ZCCHC24: variants seen among roughly 807,000 people sequenced by gnomAD.
The protein encoded by ZCCHC24 is zinc finger CCHC domain-containing protein 24.
A neutral mutation model predicts 26.2 loss-of-function variants in ZCCHC24; 10 were observed. That is an observed-to-expected ratio of 0.38 (90% CI 0.24 to 0.65). The LOEUF (loss-of-function observed/expected upper bound fraction) is 0.65. Among genes scored for constraint, ZCCHC24 ranks in the 30% least tolerant of loss-of-function variants. The pLI is 0.54. For missense variants in ZCCHC24, 243 were observed against 329.1 expected (o/e 0.74, Z 2.03); for synonymous variants, 144 against 147.1 (o/e 0.98, Z 0.15).
chr10:79,397,345 T>A (rs556660715), intron 2 of ZCCHC24, among the ~76,000 whole-genome samples: 1 of 152,264 alleles, frequency 6.6e-6, no homozygotes, highest in Non-Finnish European at 1.5e-5. Flanking sequence ...GAGTGCTCAG[T>A]GGGCAGCTAG....
At chr10:79,440,705 G>C (rs1300098583) in intron 1 of ZCCHC24, among the ~76,000 whole-genome samples, 4 of 152,184 alleles carry the variant, frequency 2.6e-5, no homozygotes, top group Non-Finnish European at 5.9e-5. Context: ...GCCATGAATA[G>C]AGCACCACCC....
intron 2 of ZCCHC24, among the ~76,000 whole-genome samples, chr10:79,403,113 C>T (rs1250942004): frequency 6.6e-6 from 1 of 152,230 alleles, no homozygotes; most frequent in Non-Finnish European, 1.5e-5. Flanking sequence ...ACTCCCCTAG[C>T]CACATACTCC....
intron 1 of ZCCHC24, among the ~76,000 whole-genome samples, chr10:79,432,990 G>A (rs1857156847): frequency 6.6e-6 from 1 of 152,102 alleles, no homozygotes; most frequent in African/African-American, 2.4e-5. Context: ...GCTCCTCCTA[G>A]GGTTTCTATG....
At chr10:79,406,873 G>C (rs536555845) in intron 2 of ZCCHC24, among the ~76,000 whole-genome samples, 1 of 152,312 alleles carries the variant, frequency 6.6e-6, no homozygotes, top group South Asian at 2.1e-4. Flanking sequence ...TAATCCCGCT[G>C]GTGCCCTGAA....
intron 2 of ZCCHC24, among the ~76,000 whole-genome samples, chr10:79,421,776 G>A (rs1161314958): frequency 6.6e-6 from 1 of 151,988 alleles, no homozygotes; most frequent in Non-Finnish European, 1.5e-5. Context: ...ATAGGTGTGC[G>A]CCACCACACC....
At chr10:79,417,533 C>T (rs7086131) in intron 2 of ZCCHC24, among the ~76,000 whole-genome samples, 5,552 of 152,306 alleles carry the variant, frequency 0.036, 137 homozygotes, top group South Asian at 0.045. Flanking sequence ...GGGAAAGGCA[C>T]GGCCTAAGGT....
At chr10:79,403,619 C>T in intron 2 of ZCCHC24, 1 of 984,658 alleles carries the variant, frequency 1.0e-6, no homozygotes, top group Non-Finnish European at 1.2e-6. Context: ...TCTGGAGCCT[C>T]AAGGGCCTCC....
At chr10:79,436,086 G>T (rs1247261506) in intron 1 of ZCCHC24, among the ~76,000 whole-genome samples, 1 of 152,182 alleles carries the variant, frequency 6.6e-6, no homozygotes, top group Admixed American at 6.5e-5. Context: ...AGCCTGGCAT[G>T]CAGAGGCCGA....
chr10:79,400,552 C>T (rs1856615473), intron 2 of ZCCHC24, among the ~76,000 whole-genome samples: 1 of 152,260 alleles, frequency 6.6e-6, no homozygotes, highest in Admixed American at 6.5e-5. Context: ...ACTTCTGCAG[C>T]TTATGCTCTG....
At chr10:79,442,601 T>C (rs1402230525) in intron 1 of ZCCHC24, among the ~76,000 whole-genome samples, 3 of 152,142 alleles carry the variant, frequency 2.0e-5, no homozygotes, top group African/African-American at 7.2e-5. Context: ...GCAAGTCACA[T>C]CCGCAGGCAC....
At chr10:79,420,017 T>C (rs1465211629) in intron 2 of ZCCHC24, among the ~76,000 whole-genome samples, 1 of 151,932 alleles carries the variant, frequency 6.6e-6, no homozygotes, top group Non-Finnish European at 1.5e-5. Flanking sequence ...AGGAAGGATA[T>C]AAAAGTGGCT....
At chr10:79,401,482 C>T (rs12218003) in intron 2 of ZCCHC24, among the ~76,000 whole-genome samples, 79,474 of 152,134 alleles carry the variant, frequency 0.52, 22,215 homozygotes, top group East Asian at 0.85. Flanking sequence ...AGTCCAGATC[C>T]GAGCCCAAGC....
chr10:79,412,340 C>T (rs1856804150), intron 2 of ZCCHC24, among the ~76,000 whole-genome samples: 1 of 152,226 alleles, frequency 6.6e-6, no homozygotes, highest in South Asian at 2.1e-4. Context: ...CAGCCTGCAG[C>T]GGCATGAGCC....
chr10:79,430,525 T>C (rs989842742), intron 2 of ZCCHC24, among the ~76,000 whole-genome samples: 2 of 151,932 alleles, frequency 1.3e-5, no homozygotes, highest in Non-Finnish European at 2.9e-5. Context: ...GCCGTAGAGT[T>C]AAGAGTCCAA....
intron 2 of ZCCHC24, among the ~76,000 whole-genome samples, chr10:79,419,721 T>C (rs1239927346): frequency 6.6e-6 from 1 of 151,914 alleles, no homozygotes; most frequent in Non-Finnish European, 1.5e-5. Flanking sequence ...CCAAAGGAGG[T>C]GACACTTGGA....
At chr10:79,434,150 G>C (rs17490856) in intron 1 of ZCCHC24, among the ~76,000 whole-genome samples, 4,525 of 152,318 alleles carry the variant, frequency 0.03, 106 homozygotes, top group Middle Eastern at 0.071. Context: ...ATCTGGATCA[G>C]AGCCTGGGAT....
intron 2 of ZCCHC24, among the ~76,000 whole-genome samples, chr10:79,429,183 G>C (rs1397441320): frequency 1.3e-5 from 2 of 152,046 alleles, no homozygotes; most frequent in East Asian, 3.8e-4. Flanking sequence ...AGTCATAAAA[G>C]ACCACATGTT....
chr10:79,435,952 CTT>C (rs1377970847), intron 1 of ZCCHC24, among the ~76,000 whole-genome samples: 4 of 152,188 alleles, frequency 2.6e-5, no homozygotes, highest in Non-Finnish European at 5.9e-5. Context: ...GGCTTGGCCT[CTT>C]GGGTTTCCCA....
Position 79,432,744 on chromosome 10 carries a change from A to G in ZCCHC24, c.261T>C (p.Ser87=). The G allele has an allele frequency of 6.2e-7, 1 of 1,607,832 alleles. No homozygotes were observed. The change falls in exon 2 of 4, where the codon AGT becomes AGC. Residue 87 remains serine (S), a synonymous_variant. Transcript: ENST00000372336. Reference sequence around the variant, plus strand: ...CATAGGGTGAGGCGCCCTTGTACACACTGTTGCTCAGCGCCTGTGGGAGAC... The same window carrying G: ...CATAGGGTGAGGCGCCCTTGTACACGCTGTTGCTCAGCGCCTGTGGGAGAC... ...QLQRGEALSN[S]VYKGASPYGS...
Sources: allele counts gnomAD v4.1 joint callset (sites outside exome capture counted in the v4.1 genomes callset), GRCh38; gene constraint gnomAD v4.1.1; transcripts MANE v1.5; gene names NCBI Gene and HGNC (gene_info 2026-07-23, HGNC 2026-07-21).